Variants in MPDZ observed in about 807,000 individuals in gnomAD.
MPDZ encodes multiple PDZ domain protein.
Under a neutral mutation model 239.1 loss-of-function variants are expected in MPDZ, and 234 were observed. The ratio of observed to expected loss-of-function variants is 0.98; its 90% CI spans 0.88 to 1.09. The LOEUF (loss-of-function observed/expected upper bound fraction) is 1.09, where lower values mean the gene tolerates loss of function less well. Among genes scored for constraint, MPDZ ranks in the 50% least tolerant of loss-of-function variants. MPDZ has a pLI of 0.00. For synonymous variants in MPDZ, 1,048 were observed against 881.3 expected, an observed-to-expected ratio of 1.19 and a Z score of -3.35; for missense variants, 3,175 against 2,510.0, an observed-to-expected ratio of 1.26 and a Z score of -5.66.
intron 35 of MPDZ, among the ~76,000 whole-genome samples, chr9:13,124,596 G>T (rs1259077340): frequency 7.9e-5 from 12 of 152,104 alleles, no homozygotes; most frequent in Non-Finnish European, 1.8e-4. Context: ...ATACTAGACT[G>T]GAAGTGTAAT....
chr9:13,149,279 A>T (rs1948838976), intron 25 of MPDZ, among the ~76,000 whole-genome samples: 2 of 152,044 alleles, frequency 1.3e-5, no homozygotes, highest in South Asian at 4.1e-4. Flanking sequence ...TCAATGAAGG[A>T]ATCAATCAGT....
At chr9:13,195,354 C>T (rs935508433) in intron 13 of MPDZ, among the ~76,000 whole-genome samples, 8 of 151,984 alleles carry the variant, frequency 5.3e-5, no homozygotes, top group African/African-American at 1.2e-4. Context: ...ACTAAGAACA[C>T]TACTGCTTGG....
intron 22 of MPDZ, among the ~76,000 whole-genome samples, chr9:13,163,115 G>A (rs1950662105): frequency 6.6e-6 from 1 of 152,016 alleles, no homozygotes; most frequent in Admixed American, 6.6e-5. Flanking sequence ...AAATTAGGAA[G>A]ATCTATAAAT....
At chr9:13,251,222 T>G (rs1013378769) in intron 1 of MPDZ, among the ~76,000 whole-genome samples, 3 of 151,876 alleles carry the variant, frequency 2.0e-5, no homozygotes, top group Admixed American at 2.0e-4. Flanking sequence ...GATAATACTT[T>G]AAATCACGGA....
rs993772672 is a variant in MPDZ, at chr9:13,106,992, G to A, written c.6186C>T (p.Gly2062=). 1.2e-6 allele frequency: 2 copies of A among 1,613,722 alleles called. No homozygotes were observed. Among genetic ancestry groups the A allele is most frequent in the Middle Eastern group, 1.6e-4 (1 of 6,062 alleles). ...AAGAGAGAACCATCAAAGTGACAGT[G>A]CCTTTTGTCCGTTTAAGGATGGCAA... ...EAVAILKRTK[G]TVTLMVLS Residue 2062 remains glycine (G), a synonymous_variant, in exon 47 of 47, where the codon GGC becomes GGT. Coordinates refer to ENST00000319217, the MANE Select transcript of MPDZ (RefSeq NM_001378778.1).
intron 14 of MPDZ, 34 bp downstream of exon 14, chr9:13,193,133 T>C: frequency 6.9e-7 from 1 of 1,442,852 alleles, no homozygotes; most frequent in East Asian, 2.4e-5. Flanking sequence ...CCATGTCTTA[T>C]TTAAGGAGGA....
intron 3 of MPDZ, among the ~76,000 whole-genome samples, chr9:13,225,774 A>C (rs142435643): frequency 6.6e-6 from 1 of 152,060 alleles, no homozygotes; most frequent in South Asian, 2.1e-4. Context: ...TGTTTGCACA[A>C]GGATGAAATC....
intron 36 of MPDZ, among the ~76,000 whole-genome samples, chr9:13,122,402 C>G (rs1042542304): frequency 6.6e-6 from 1 of 152,026 alleles, no homozygotes; most frequent in African/African-American, 2.4e-5. Flanking sequence ...AAGAAAAAAA[C>G]TATAAAATAA....
At chr9:13,153,909 T>C (rs1352115976) in intron 24 of MPDZ, among the ~76,000 whole-genome samples, 3 of 152,080 alleles carry the variant, frequency 2.0e-5, no homozygotes, top group East Asian at 3.9e-4. Flanking sequence ...TCTTGAGTAA[T>C]ACAGAAAACA....
rs149394805 is a variant in MPDZ, at chr9:13,260,449, G to C, written c.-57-10077C>G. On this transcript the variant is annotated intron_variant, in intron 1 of 46. Transcript: ENST00000319217. ...TGGTAATACTACAAGGAACATGTCA[G>C]TGTTGTGACTATTCTAGAAATGTCT... Among the ~76,000 whole-genome samples the C allele has an allele frequency of 6.6e-4, 101 of 152,290 alleles. 2 individuals carry two copies. In the East Asian group the frequency reaches 0.018, roughly 27 times the overall value.
chr9:13,141,688 T>C (rs1385778254), intron 27 of MPDZ, among the ~76,000 whole-genome samples: 1 of 152,158 alleles, frequency 6.6e-6, no homozygotes, highest in Non-Finnish European at 1.5e-5. Flanking sequence ...TGCCACGAAT[T>C]AGGATACCTA....
At chr9:13,233,110 G>A (rs1279107537) in intron 3 of MPDZ, among the ~76,000 whole-genome samples, 1 of 152,048 alleles carries the variant, frequency 6.6e-6, no homozygotes, top group Non-Finnish European at 1.5e-5. Context: ...TGAGAGAGTT[G>A]GACTTATAAT....
intron 1 of MPDZ, among the ~76,000 whole-genome samples, chr9:13,266,112 A>G (rs1012596448): frequency 1.3e-5 from 2 of 152,218 alleles, no homozygotes; most frequent in Non-Finnish European, 2.9e-5. Context: ...TCACTGAGCT[A>G]TAAGTACTAT....
At chr9:13,262,335 T>G (rs1228000568) in intron 1 of MPDZ, among the ~76,000 whole-genome samples, 1 of 151,790 alleles carries the variant, frequency 6.6e-6, no homozygotes, top group African/African-American at 2.4e-5. Flanking sequence ...CTGTAGTCCC[T>G]GCTATTCAGG....
chr9:13,189,083 T>C (rs1954547507), intron 16 of MPDZ, 90 bp from the exon 17 acceptor site: 5 of 1,093,490 alleles, frequency 4.6e-6, no homozygotes, highest in Non-Finnish European at 6.4e-6. Flanking sequence ...GAATGAGTAA[T>C]TGTCTCAAGT....
chr9:13,165,261 T>A, intron 22 of MPDZ: 1 of 1,086,348 alleles, frequency 9.2e-7, no homozygotes. Flanking sequence ...ACAAAATCTA[T>A]ATCTGGATCT....
At chr9:13,233,548 A>G (rs1243542290) in intron 3 of MPDZ, among the ~76,000 whole-genome samples, 1 of 152,150 alleles carries the variant, frequency 6.6e-6, no homozygotes, top group Non-Finnish European at 1.5e-5. Context: ...AGTGCTGATC[A>G]TTTTCCATAT....
chr9:13,237,992 T>C (rs987259503), intron 3 of MPDZ, among the ~76,000 whole-genome samples: 2 of 152,188 alleles, frequency 1.3e-5, no homozygotes, highest in East Asian at 1.9e-4. Flanking sequence ...GAAATACTTA[T>C]TGATTTGGTT....
chr9:13,124,028 G>A (rs1944760095), intron 35 of MPDZ, among the ~76,000 whole-genome samples: 3 of 152,134 alleles, frequency 2.0e-5, no homozygotes, highest in Non-Finnish European at 4.4e-5. Flanking sequence ...TATGTTTTAC[G>A]ATACAACAAA....
Sources: allele counts gnomAD v4.1 joint callset (sites outside exome capture counted in the v4.1 genomes callset), GRCh38; gene constraint gnomAD v4.1.1; transcripts MANE v1.5; gene names NCBI Gene and HGNC (gene_info 2026-07-23, HGNC 2026-07-21).